The following GARIN4 variants were observed in gnomAD, a reference collection of about 807,000 sequenced individuals.
The protein encoded by GARIN4 is golgi associated RAB2 interactor family member 4.
the GARIN4 span, chr1:212,626,233 C>A: frequency 8.1e-6 from 13 of 1,614,170 alleles, no homozygotes; most frequent in South Asian, 1.2e-4. Flanking sequence ...CAAGGGGAGA[C>A]AAGATTGCCC....
At chr1:212,626,089 G>A in the GARIN4 span, 3 of 1,614,184 alleles carry the variant, frequency 1.9e-6, no homozygotes, top group East Asian at 2.2e-5. Flanking sequence ...AGAGCAGCCT[G>A]AGTGGACAGC....
the GARIN4 span, chr1:212,624,724 C>G: frequency 7.9e-6 from 11 of 1,387,228 alleles, no homozygotes; most frequent in Middle Eastern, 2.6e-4. Flanking sequence ...TCTGAGGCAA[C>G]AGTGGGGGCC....
the GARIN4 span, chr1:212,625,951 A>C: frequency 6.2e-7 from 1 of 1,614,246 alleles, no homozygotes; most frequent in East Asian, 2.2e-5. Context: ...TTTCCAGCGC[A>C]TCCATGAGCC....
At chr1:212,626,173 T>C in the GARIN4 span, 1 of 1,613,868 alleles carries the variant, frequency 6.2e-7, no homozygotes, top group South Asian at 1.1e-5. Context: ...AGGACAGGGC[T>C]CTCGGAAGGA....
chr1:212,626,125 C>G, the GARIN4 span: 5 of 1,613,892 alleles, frequency 3.1e-6, no homozygotes, highest in African/African-American at 5.3e-5. Context: ...CCCAGGCCAG[C>G]GCTGAAGGCT....
At chr1:212,625,394 C>G in the GARIN4 span, 1 of 1,614,224 alleles carries the variant, frequency 6.2e-7, no homozygotes, top group South Asian at 1.1e-5. Flanking sequence ...ACTAATTTAC[C>G]TCTTGCGGCC....
the GARIN4 span, chr1:212,626,441 G>C: frequency 6.2e-7 from 1 of 1,614,094 alleles, no homozygotes; most frequent in Non-Finnish European, 8.5e-7. Flanking sequence ...TTCCAGCAAG[G>C]GACTTGGCAG....
chr1:212,625,870 C>T, the GARIN4 span: 2 of 1,614,268 alleles, frequency 1.2e-6, no homozygotes, highest in Non-Finnish European at 8.5e-7. Context: ...CCCTTGCAGG[C>T]ACTGCCAGCA....
chr1:212,625,234 C>G, the GARIN4 span: 2 of 1,614,136 alleles, frequency 1.2e-6, no homozygotes, highest in African/African-American at 2.7e-5. Context: ...TAGAGCTCAC[C>G]AGGCTTCTGC....
the GARIN4 span, chr1:212,625,283 A>G: frequency 6.2e-7 from 1 of 1,614,186 alleles, no homozygotes; most frequent in Non-Finnish European, 8.5e-7. Context: ...AGACCATGAG[A>G]AACAACAGCT....
At chr1:212,625,007 C>A in the GARIN4 span, 11 of 1,614,142 alleles carry the variant, frequency 6.8e-6, no homozygotes, top group South Asian at 1.2e-4. Flanking sequence ...CAAGTATGCA[C>A]CGATATTTGA....
At chr1:212,624,741 G>GT in the GARIN4 span, 1 of 1,421,470 alleles carries the variant, frequency 7.0e-7, no homozygotes, top group African/African-American at 1.4e-5. Context: ...GGCCTGTGGG[G>GT]TGGGGTGGGA....
chr1:212,626,517 G>A, the GARIN4 span: 3 of 1,614,226 alleles, frequency 1.9e-6, no homozygotes, highest in Non-Finnish European at 2.5e-6. Flanking sequence ...ACACCACATG[G>A]CAGAGATGTG....
the GARIN4 span, chr1:212,626,529 A>G: frequency 6.2e-7 from 1 of 1,614,148 alleles, no homozygotes; most frequent in Non-Finnish European, 8.5e-7. Flanking sequence ...AGAGATGTGA[A>G]CGTCATGGCT....
chr1:212,625,332 A>C, the GARIN4 span: 1 of 1,614,246 alleles, frequency 6.2e-7, no homozygotes, highest in Non-Finnish European at 8.5e-7. Context: ...TGCTATCTGC[A>C]ATTGTGTCCC....
the GARIN4 span, chr1:212,625,797 A>T: frequency 1.9e-5 from 30 of 1,614,090 alleles, no homozygotes; most frequent in East Asian, 6.2e-4. Context: ...GCCCCTGGAC[A>T]GGTGAGCGCA....
the GARIN4 span, chr1:212,626,083 C>G: frequency 6.2e-7 from 1 of 1,614,160 alleles, no homozygotes; most frequent in Non-Finnish European, 8.5e-7. Context: ...AGAGCAAGAG[C>G]AGCCTGAGTG....
the GARIN4 span, chr1:212,625,689 C>G: frequency 1.2e-5 from 19 of 1,613,278 alleles, no homozygotes; most frequent in Middle Eastern, 3.3e-4. Context: ...GAGGAGCCAG[C>G]AACAGGGGGG....
chr1:212,624,616 C>G, the GARIN4 span: 1 of 403,194 alleles, frequency 2.5e-6, no homozygotes, highest in Admixed American at 4.1e-5. Flanking sequence ...GCCCACCCTG[C>G]ATCTCTACGT....
Sources: gnomAD v4.1 joint callset for allele counts on GRCh38, gnomAD v4.1.1 for gene constraint, MANE v1.5 for transcripts, NCBI Gene and HGNC (gene_info 2026-07-23, HGNC 2026-07-21) for gene names.